Variants in OTULIN observed in about 807,000 individuals in gnomAD.
The protein encoded by OTULIN is ubiquitin thioesterase otulin.
OTULIN carries 15 observed loss-of-function variants against 39.6 expected under a neutral mutation model. The ratio of observed to expected loss-of-function variants is 0.38; its 90% confidence interval spans 0.25 to 0.58. The LOEUF is 0.58. Ranked by LOEUF, OTULIN falls within the 20% of genes least tolerant of loss-of-function variation. OTULIN has a pLI of 0.66. For synonymous variants in OTULIN, 156 were observed against 170.3 expected (o/e 0.92, Z 0.65); for missense variants, 319 against 445.9 (o/e 0.72, Z 2.56).
At chr5:14,705,059 T>C in the OTULIN span, 5 of 152,198 alleles carry the variant, frequency 3.3e-5, no homozygotes, top group Non-Finnish European at 5.9e-5. Context: ...GGGGTTTTGC[T>C]CTGTTGCTCA....
At chr5:14,706,511 A>T in the OTULIN span, 1 of 152,228 alleles carries the variant, frequency 6.6e-6, no homozygotes, top group East Asian at 1.9e-4. Flanking sequence ...TCTAAACTTA[A>T]GGTCTTATCA....
intron 5 of OTULIN, 44 bp downstream of exon 5, chr5:14,687,690 G>A (rs182308318): frequency 2.5e-5 from 39 of 1,532,680 alleles, no homozygotes; most frequent in Admixed American, 2.4e-4. Flanking sequence ...TGAAGCTCTC[G>A]TTCTTGCTTG....
At chr5:14,681,141 C>T (rs1165571906) in intron 3 of OTULIN, among the ~76,000 whole-genome samples, 1 of 152,086 alleles carries the variant, frequency 6.6e-6, no homozygotes, top group Non-Finnish European at 1.5e-5. Context: ...CACAAAGCAC[C>T]CCCGCCCCCC....
chr5:14,667,514 A>C (rs1235200961), intron 1 of OTULIN, among the ~76,000 whole-genome samples: 2 of 152,202 alleles, frequency 1.3e-5, no homozygotes, highest in Non-Finnish European at 2.9e-5. Context: ...CTGGGGCAAC[A>C]GGTGCACGCC....
intron 1 of OTULIN, among the ~76,000 whole-genome samples, chr5:14,671,349 G>A (rs748295064): frequency 3.9e-5 from 6 of 152,134 alleles, no homozygotes; most frequent in Non-Finnish European, 8.8e-5. Flanking sequence ...TAGCTTACAC[G>A]GCCTCTTCCA....
At chr5:14,674,585 T>C (rs1043686981) in intron 2 of OTULIN, among the ~76,000 whole-genome samples, 2 of 152,102 alleles carry the variant, frequency 1.3e-5, no homozygotes, top group Non-Finnish European at 2.9e-5. Flanking sequence ...GGAGACCTTG[T>C]GTCTACAAAA....
intron 3 of OTULIN, among the ~76,000 whole-genome samples, chr5:14,680,554 G>T (rs1474098208): frequency 2.0e-5 from 3 of 152,208 alleles, no homozygotes; most frequent in Non-Finnish European, 4.4e-5. Flanking sequence ...GGGCAGTTCA[G>T]TCAGTCTCAA....
chr5:14,687,146 G>A (rs1261143637), intron 4 of OTULIN, among the ~76,000 whole-genome samples: 5 of 152,122 alleles, frequency 3.3e-5, no homozygotes, highest in African/African-American at 1.2e-4. Context: ...GCACTGTCCC[G>A]AGCCATGTGT....
At chr5:14,670,613 A>AT (rs1270881299) in intron 1 of OTULIN, among the ~76,000 whole-genome samples, 2 of 151,742 alleles carry the variant, frequency 1.3e-5, no homozygotes, top group South Asian at 2.1e-4. Flanking sequence ...TAATTAACTA[A>AT]TTTTTTTTAG....
the OTULIN span, chr5:14,713,520 G>A: frequency 6.2e-7 from 1 of 1,613,662 alleles, no homozygotes; most frequent in East Asian, 2.2e-5. The surrounding 1 kb of genome is among the most constrained non-coding windows in gnomAD (Gnocchi z 4.4). Flanking sequence ...AGGACCCACA[G>A]CCCCAAACTC....
chr5:14,671,414 A>G (rs1257793953), intron 1 of OTULIN, among the ~76,000 whole-genome samples: 2 of 152,222 alleles, frequency 1.3e-5, no homozygotes, highest in African/African-American at 4.8e-5. Context: ...GGCTTGCCCA[A>G]AGATATATGC....
At chr5:14,712,025 TTCCTC>T in the OTULIN span, among the ~76,000 whole-genome samples, 44 of 152,352 alleles carry the variant, frequency 2.9e-4, no homozygotes, top group Non-Finnish European at 6.2e-4. Flanking sequence ...TCTCCCCTCT[TTCCTC>T]AGCTTACATG....
At chr5:14,691,493 G>T (rs1315767598) in intron 6 of OTULIN, among the ~76,000 whole-genome samples, 1 of 152,146 alleles carries the variant, frequency 6.6e-6, no homozygotes, top group African/African-American at 2.4e-5. Context: ...CTGAACCATA[G>T]CAAGTACCTT....
chr5:14,687,932 G>A, intron 5 of OTULIN: 1 of 208,232 alleles, frequency 4.8e-6, no homozygotes, highest in Non-Finnish European at 9.4e-6. Flanking sequence ...TTTGTTCCAA[G>A]TCATATTTAT....
the OTULIN span, chr5:14,711,399 G>A: frequency 4.4e-6 from 5 of 1,135,234 alleles, no homozygotes; most frequent in African/African-American, 7.6e-5. Flanking sequence ...CCGGGGTCTT[G>A]GGGGACCCCT....
At chr5:14,711,312 T>C in the OTULIN span, 1 of 1,613,004 alleles carries the variant, frequency 6.2e-7, no homozygotes, top group Non-Finnish European at 8.5e-7. Context: ...CTTCTTTTTC[T>C]AGACCAAAGA....
the OTULIN span, chr5:14,711,453 C>T: frequency 1.4e-5 from 10 of 694,522 alleles, no homozygotes; most frequent in Non-Finnish European, 2.6e-5. Flanking sequence ...GGCGTCACCT[C>T]TTTTGCATCT....
chr5:14,687,127 T>C (rs898203519), intron 4 of OTULIN, among the ~76,000 whole-genome samples: 4 of 152,252 alleles, frequency 2.6e-5, no homozygotes, highest in African/African-American at 9.6e-5. Flanking sequence ...CCTTCTCACA[T>C]GCTCAGAAGC....
rs181638172 is a variant in OTULIN at position 14,671,393 on chromosome 5, C to T, written c.153-2249C>T. 6.5e-3 allele frequency among the ~76,000 whole-genome samples: 997 copies of T among 152,242 alleles called. 1 individual carries two copies. The highest frequency in any genetic ancestry group is 0.011 in the Non-Finnish European group (731 of 68,030). On this transcript the variant is annotated intron_variant, in intron 1 of 6. Coordinates refer to ENST00000284274, the MANE Select transcript of OTULIN (RefSeq NM_138348.6). ...ATTTTGAAGATGAGAAAACTGAGGCCGTGGGGAAGTGGCTTGCCCAAAGAT... is the reference window on the plus strand; with the variant it reads ...ATTTTGAAGATGAGAAAACTGAGGCTGTGGGGAAGTGGCTTGCCCAAAGAT...
Sources: allele counts gnomAD v4.1 joint callset (sites outside exome capture counted in the v4.1 genomes callset), GRCh38; gene constraint gnomAD v4.1.1; non-coding constraint Gnocchi (gnomAD v3.1); transcripts MANE v1.5; gene names NCBI Gene and HGNC (gene_info 2026-07-23, HGNC 2026-07-21).